The following TAS2R1 variants were observed in gnomAD, a reference collection of about 807,000 sequenced individuals.
TAS2R1 encodes taste receptor type 2 member 1.
For synonymous variants in TAS2R1, 141 were observed against 134.2 expected (o/e 1.05, Z -0.35); for missense variants, 370 against 353.4 (o/e 1.05, Z -0.38).
intron 1 of TAS2R1, among the ~76,000 whole-genome samples, chr5:9,666,049 T>G (rs1740627009): frequency 6.6e-6 from 1 of 152,222 alleles, no homozygotes; most frequent in Non-Finnish European, 1.5e-5. Context: ...TGAACTGGAT[T>G]CAGGAAAGTT....
At chr5:9,689,740 C>A (rs755798452) in intron 1 of TAS2R1, among the ~76,000 whole-genome samples, 19 of 151,830 alleles carry the variant, frequency 1.3e-4, no homozygotes, top group African/African-American at 4.6e-4. Flanking sequence ...AAATATTAAA[C>A]GTTTTTTCTA....
the TAS2R1 span, among the ~76,000 whole-genome samples, chr5:9,829,390 G>A: frequency 6.6e-6 from 1 of 152,062 alleles, no homozygotes; most frequent in Admixed American, 6.5e-5. Flanking sequence ...ACACAGGGAA[G>A]GGACCAGAGA....
intron 1 of TAS2R1, among the ~76,000 whole-genome samples, chr5:9,702,435 A>G (rs1741507422): frequency 6.6e-6 from 1 of 152,130 alleles, no homozygotes; most frequent in Admixed American, 6.6e-5. Context: ...AATGCACAGG[A>G]CAGCCCCTCC....
At chr5:9,889,245 C>T in the TAS2R1 span, among the ~76,000 whole-genome samples, 28,058 of 152,060 alleles carry the variant, frequency 0.18, 4,036 homozygotes, top group African/African-American at 0.41. Flanking sequence ...CTGCACCATG[C>T]TGGAGCAGAT....
intron 2 of TAS2R1, among the ~76,000 whole-genome samples, chr5:9,642,150 G>T (rs886901152): frequency 6.6e-6 from 1 of 152,132 alleles, no homozygotes; most frequent in Non-Finnish European, 1.5e-5. Context: ...TTAGATTGAC[G>T]TTGGAAAGCT....
chr5:9,736,317 A>G, the TAS2R1 span, among the ~76,000 whole-genome samples: 7 of 152,208 alleles, frequency 4.6e-5, no homozygotes, highest in Non-Finnish European at 1.0e-4. Context: ...GTCTAGCAGG[A>G]CAGCGTCCCA....
intron 2 of TAS2R1, among the ~76,000 whole-genome samples, chr5:9,640,651 T>C (rs1299069649): frequency 6.6e-6 from 1 of 152,150 alleles, no homozygotes; most frequent in African/African-American, 2.4e-5. Context: ...CGTCTATCAC[T>C]GCACCTGTCC....
the TAS2R1 span, among the ~76,000 whole-genome samples, chr5:9,822,885 C>G: frequency 2.0e-5 from 3 of 151,802 alleles, no homozygotes; most frequent in South Asian, 6.2e-4. Context: ...ACAGTAATAG[C>G]TTTTTTAAAA....
chr5:9,807,115 G>T, the TAS2R1 span, among the ~76,000 whole-genome samples: 1 of 151,864 alleles, frequency 6.6e-6, no homozygotes, highest in Non-Finnish European at 1.5e-5. Flanking sequence ...ATTCTCAAAA[G>T]AAGATATACA....
the TAS2R1 span, among the ~76,000 whole-genome samples, chr5:9,880,604 A>C: frequency 1.3e-5 from 2 of 151,716 alleles, no homozygotes; most frequent in Admixed American, 6.6e-5. Flanking sequence ...TGTAGATGAC[A>C]AGAGCACCAC....
the TAS2R1 span, among the ~76,000 whole-genome samples, chr5:9,764,989 TAAA>T: frequency 1.3e-5 from 2 of 152,254 alleles, no homozygotes; most frequent in African/African-American, 4.8e-5. Context: ...CATCAAGTGA[TAAA>T]AAGTAGAGCA....
At chr5:9,782,944 C>T in the TAS2R1 span, among the ~76,000 whole-genome samples, 2 of 152,162 alleles carry the variant, frequency 1.3e-5, no homozygotes, top group Non-Finnish European at 2.9e-5. Flanking sequence ...AACCCACGAG[C>T]TAGAGGGAGG....
At chr5:9,744,349 A>G in the TAS2R1 span, among the ~76,000 whole-genome samples, 2 of 152,224 alleles carry the variant, frequency 1.3e-5, no homozygotes, top group South Asian at 4.1e-4. Flanking sequence ...TGTAAGGAAA[A>G]TTATTAAGTG....
chr5:9,696,288 G>A (rs753154009), intron 1 of TAS2R1, among the ~76,000 whole-genome samples: 3 of 152,046 alleles, frequency 2.0e-5, no homozygotes, highest in Non-Finnish European at 2.9e-5. Flanking sequence ...GATCTGATGC[G>A]GTAGCTCACG....
At chr5:9,877,736 A>G in the TAS2R1 span, among the ~76,000 whole-genome samples, 1 of 152,220 alleles carries the variant, frequency 6.6e-6, no homozygotes, top group Admixed American at 6.5e-5. Context: ...AGCTGGAAGC[A>G]TTTTCAAATT....
chr5:9,864,556 C>T, the TAS2R1 span, among the ~76,000 whole-genome samples: 63 of 151,308 alleles, frequency 4.2e-4, no homozygotes, highest in South Asian at 5.7e-3. Context: ...TCACTGGAAC[C>T]GGGGAGATGG....
chr5:9,647,389 T>C (rs1227357315), intron 2 of TAS2R1, among the ~76,000 whole-genome samples: 4 of 152,160 alleles, frequency 2.6e-5, no homozygotes, highest in Admixed American at 1.3e-4. Context: ...TTATCCACAG[T>C]GGCAGCTGTT....
the TAS2R1 span, among the ~76,000 whole-genome samples, chr5:9,790,533 T>C: frequency 2.0e-5 from 3 of 152,200 alleles, no homozygotes; most frequent in African/African-American, 4.8e-5. Context: ...TGCATCTCAC[T>C]TGCACATGTG....
chr5:9,886,648 T>G, the TAS2R1 span, among the ~76,000 whole-genome samples: 3 of 152,122 alleles, frequency 2.0e-5, no homozygotes, highest in African/African-American at 7.2e-5. Flanking sequence ...TTTATATAAT[T>G]GTTAAAACAA....
Sources: allele counts gnomAD v4.1 joint callset (sites outside exome capture counted in the v4.1 genomes callset), GRCh38; gene constraint gnomAD v4.1.1; transcripts MANE v1.5; gene names NCBI Gene and HGNC (gene_info 2026-07-23, HGNC 2026-07-21).